ZNF100: variants seen among roughly 807,000 people sequenced by gnomAD.
The protein encoded by ZNF100 is zinc finger protein 100 (Y1).
In ZNF100, 12 loss-of-function variants were observed where a neutral mutation model predicts 15.8. The observed-to-expected ratio is 0.76, with a 90% confidence interval of 0.49 to 1.23. ZNF100 has a LOEUF of 1.23. ZNF100 is among the 50% of genes most tolerant of loss of function. The pLI is 0.00. For missense variants in ZNF100, 670 were observed against 635.6 expected (o/e 1.05, Z -0.58); for synonymous variants, 226 against 214.8 (o/e 1.05, Z -0.45).
rs150949595 is a variant in ZNF100, at chr19:21,726,899, T to C, written c.1413A>G (p.Gln471=). 3.7e-6 allele frequency: 6 copies of C among 1,609,078 alleles called. No homozygotes were observed. Among genetic ancestry groups the C allele is most frequent in the East Asian group, 2.3e-5 (1 of 44,126 alleles). Residue 471 remains glutamine (Q), a synonymous_variant, in exon 5 of 5, where the codon CAA becomes CAG. Transcript: ENST00000358296. ...ECGKAFNRSS[Q]LTAHKMIHTG... ...TATGAATCATCTTATGTGCAGTTAG[T>C]TGTGAGGACCGGTTAAAGGCTTTGC...
rs1453906801 is a variant in ZNF100 at position 21,738,910 on chromosome 19, A to G, written c.322+5107T>C. On this transcript the variant is annotated intron_variant, in intron 4 of 4. Coordinates refer to ENST00000358296, the MANE Select transcript of ZNF100 (RefSeq NM_173531.4). ...CAGTGAGCCGTGATGGTACCATTGCACTCCAGCCTAGACTACAGAGTGAAA... is the reference window on the plus strand; with the variant it reads ...CAGTGAGCCGTGATGGTACCATTGCGCTCCAGCCTAGACTACAGAGTGAAA... 2.0e-5 allele frequency among the ~76,000 whole-genome samples: 3 copies of G among 152,108 alleles called. No homozygotes were observed. In the East Asian group the frequency reaches 5.8e-4, roughly 29 times the overall value.
intron 4 of ZNF100, among the ~76,000 whole-genome samples, chr19:21,729,914 T>C (rs1646683493): frequency 1.3e-5 from 2 of 152,074 alleles, no homozygotes; most frequent in African/African-American, 4.8e-5. Context: ...TGAAATATAC[T>C]GTTATATCTT....
In ZNF100 at chr19:21,766,528, G is replaced by A. The variant is rs369338663; in HGVS notation, c.4-742C>T. 1.6e-3 allele frequency among the ~76,000 whole-genome samples: 240 copies of A among 151,606 alleles called. 2 individuals carry two copies. The Middle Eastern group carries it at 0.038, about 24-fold the overall frequency. ...TAATTAACCTCTGATTACACAACCA[G>A]GAAATCTTCACCTGTATTGTACAAA... is the stretch of plus-strand genomic sequence containing the variant. On this transcript the variant is annotated intron_variant, in intron 1 of 4. Coordinates refer to ENST00000358296, the MANE Select transcript of ZNF100 (RefSeq NM_173531.4).
intron 4 of ZNF100, among the ~76,000 whole-genome samples, chr19:21,733,983 C>A (rs188368710): frequency 8.5e-5 from 13 of 152,286 alleles, no homozygotes; most frequent in Admixed American, 8.5e-4. Context: ...AGAAGACGGG[C>A]CTGACTGTTA....
At position 21,726,380 on chromosome 19, in the gene ZNF100, ATAACT is replaced by A; in HGVS notation, c.*298_*302del. ...CACACATGTAGAAGTTTTCTCCAGT[ATAACT>A]TACCTTACCTACAATCAAGTGTGAC... On this transcript the variant is annotated 3_prime_UTR_variant, in exon 5 of 5. Transcript: ENST00000358296. The A allele has an allele frequency of 3.1e-6, 1 of 318,206 alleles. No homozygotes were observed. The highest frequency in any genetic ancestry group is 5.7e-6 in the Non-Finnish European group (1 of 174,128). 19.7% of individuals were successfully genotyped at this position (318,206 alleles called of 1,614,324 possible). A position where few individuals can be genotyped will look rare whatever the true frequency, so the allele number is the denominator to read the frequency against.
At chr19:21,760,398 G>A (rs1050807002) in intron 2 of ZNF100, among the ~76,000 whole-genome samples, 1 of 151,510 alleles carries the variant, frequency 6.6e-6, no homozygotes, top group Non-Finnish European at 1.5e-5. Flanking sequence ...GGGAGGCTGA[G>A]GCGGGAGAAT....
rs1333627540 is a variant in ZNF100, at chr19:21,751,267, G to A, written c.97-6200C>T. On this transcript the variant is annotated intron_variant, in intron 2 of 4. Coordinates refer to ENST00000358296, the MANE Select transcript of ZNF100 (RefSeq NM_173531.4). Reference sequence around the variant, plus strand: ...CAGCCAGCCTAACCTTAGAACCACAGTAAAATGTGACCTTAGAAATATATT... The same window carrying A: ...CAGCCAGCCTAACCTTAGAACCACAATAAAATGTGACCTTAGAAATATATT... 9.8e-6 allele frequency: 11 copies of A among 1,118,430 alleles called. No individual in the cohort carries two copies. The South Asian group carries it at 1.1e-4, about 11-fold the overall frequency. 69.3% of individuals were successfully genotyped at this position (1,118,430 alleles called of 1,614,324 possible).
rs1338968457 is a variant in ZNF100, at chr19:21,767,488, C to G, written c.-59G>C. On this transcript the variant is annotated 5_prime_UTR_variant, in exon 1 of 5. Coordinates refer to ENST00000358296, the MANE Select transcript of ZNF100 (RefSeq NM_173531.4). ...TGTGGATCTCCCAATATCTGCAGGT[C>G]AGAGGGCCACACAGGCTAGGCCCCT... 1 of 1,612,632 alleles carries G rather than the reference C, an allele frequency of 6.2e-7. No homozygotes were observed. Among genetic ancestry groups the G allele is most frequent in the Non-Finnish European group, 8.5e-7 (1 of 1,178,952 alleles).
rs1435508167 is a variant in ZNF100, at chr19:21,724,506, T to A, written c.*2177A>T. ...AAATGTAGGGATTTTATTATACTTCTACATAACTTTTATTATGACCATAAA... is the reference window on the plus strand; with the variant it reads ...AAATGTAGGGATTTTATTATACTTCAACATAACTTTTATTATGACCATAAA... On this transcript the variant is annotated 3_prime_UTR_variant, in exon 5 of 5. Coordinates refer to ENST00000358296, the MANE Select transcript of ZNF100 (RefSeq NM_173531.4). 6.6e-6 allele frequency: 1 copy of A among 152,178 alleles called. No individual in the cohort carries two copies. Among genetic ancestry groups the A allele is most frequent in the Non-Finnish European group, 1.5e-5 (1 of 68,014 alleles). 9.4% of individuals were successfully genotyped at this position (152,178 alleles called of 1,614,324 possible).
chr19:21,756,080 AT>A (rs1481506055), intron 2 of ZNF100, among the ~76,000 whole-genome samples: 2 of 152,220 alleles, frequency 1.3e-5, no homozygotes, highest in East Asian at 3.9e-4. Flanking sequence ...GAGGAAAAAA[AT>A]GTTACTTATC....
intron 3 of ZNF100, 106 bp downstream of exon 3, chr19:21,744,835 G>C: frequency 1.3e-6 from 2 of 1,500,830 alleles, no homozygotes; most frequent in Non-Finnish European, 1.8e-6. Context: ...TTGAAAAAAC[G>C]GATCAGAAAC....
chr19:21,750,227 T>C (rs1236391831), intron 2 of ZNF100, among the ~76,000 whole-genome samples: 1 of 152,010 alleles, frequency 6.6e-6, no homozygotes, highest in African/African-American at 2.4e-5. Flanking sequence ...CAATCACAAA[T>C]AGCAAAGAAC....
chr19:21,766,039 A>C (rs1420035208), intron 1 of ZNF100, among the ~76,000 whole-genome samples: 3 of 152,250 alleles, frequency 2.0e-5, no homozygotes, highest in Non-Finnish European at 4.4e-5. Flanking sequence ...ATACAGTGTC[A>C]GAGGATTAGT....
intron 1 of ZNF100, among the ~76,000 whole-genome samples, chr19:21,766,162 C>T (rs1169341899): frequency 6.6e-6 from 1 of 152,028 alleles, no homozygotes; most frequent in Non-Finnish European, 1.5e-5. Context: ...AACAAGTACA[C>T]TAAAGGACAA....
intron 4 of ZNF100, 104 bp downstream of exon 4, chr19:21,743,913 T>C (rs2036165574): frequency 2.5e-6 from 3 of 1,191,954 alleles, no homozygotes; most frequent in Non-Finnish European, 3.4e-6. Flanking sequence ...CCAGAAACTA[T>C]TTCCTTTGGA....
At chr19:21,753,988 T>C (rs1452156691) in intron 2 of ZNF100, among the ~76,000 whole-genome samples, 2 of 152,228 alleles carry the variant, frequency 1.3e-5, no homozygotes, top group Non-Finnish European at 2.9e-5. Flanking sequence ...TTTAGGAGAC[T>C]GATAATGCCA....
At chr19:21,736,525 T>TG (rs1171997871) in intron 4 of ZNF100, among the ~76,000 whole-genome samples, 11 of 152,194 alleles carry the variant, frequency 7.2e-5, no homozygotes, top group African/African-American at 2.7e-4. Context: ...ATTCAGGACT[T>TG]GGACTCAGCT....
intron 4 of ZNF100, 81 bp downstream of exon 4, chr19:21,743,936 A>G (rs1305552818): frequency 2.1e-6 from 3 of 1,406,566 alleles, no homozygotes; most frequent in Non-Finnish European, 2.8e-6. Context: ...ATAGCTTCCC[A>G]AACCACATTT....
At chr19:21,758,261 C>T (rs948440538) in intron 2 of ZNF100, among the ~76,000 whole-genome samples, 5 of 151,972 alleles carry the variant, frequency 3.3e-5, no homozygotes, top group South Asian at 4.2e-4. Context: ...GGAACAGTCA[C>T]GGGGCCTAGC....
Sources: gnomAD v4.1 joint callset for allele counts (sites outside exome capture counted in the v4.1 genomes callset) on GRCh38, gnomAD v4.1.1 for gene constraint, MANE v1.5 for transcripts, NCBI Gene and HGNC (gene_info 2026-07-23, HGNC 2026-07-21) for gene names.